The following F13A1 variants were observed in gnomAD, a reference collection of about 807,000 sequenced individuals.
F13A1 encodes FSF, A subunit.
F13A1 carries 47 observed loss-of-function variants against 80.1 expected under a neutral mutation model. The observed-to-expected ratio is 0.59, with a 90% CI of 0.46 to 0.75. The LOEUF (loss-of-function observed/expected upper bound fraction) is 0.75, where lower values mean the gene tolerates loss of function less well. Among genes scored for constraint, F13A1 ranks in the 30% least tolerant of loss-of-function variants. The pLI is 0.00. For missense variants in F13A1, 817 were observed against 930.4 expected (o/e 0.88, Z 1.59); for synonymous variants, 349 against 344.9 (o/e 1.01, Z -0.13).
chr6:6,192,887 G>A (rs1462911625), intron 10 of F13A1, among the ~76,000 whole-genome samples: 1 of 152,184 alleles, frequency 6.6e-6, no homozygotes, highest in African/African-American at 2.4e-5. Context: ...AGTTAGGACA[G>A]AAGAGAGTTA....
At chr6:6,256,628 G>A (rs1321209945) in intron 4 of F13A1, among the ~76,000 whole-genome samples, 2 of 152,054 alleles carry the variant, frequency 1.3e-5, no homozygotes, top group Non-Finnish European at 1.5e-5. Context: ...GAAAAGAGTG[G>A]GCCAAGAAAA....
intron 6 of F13A1, among the ~76,000 whole-genome samples, chr6:6,245,843 C>A (rs1757547924): frequency 6.6e-6 from 1 of 152,234 alleles, no homozygotes; most frequent in African/African-American, 2.4e-5. Flanking sequence ...TGTGCTATTT[C>A]TTCTGGAGAG....
intron 10 of F13A1, 61 bp from the exon 11 acceptor site, chr6:6,182,202 A>T: frequency 6.3e-7 from 1 of 1,585,806 alleles, no homozygotes; most frequent in Admixed American, 1.7e-5. Flanking sequence ...CAAAGTCTTT[A>T]ACTGTCCATA....
At chr6:6,307,783 T>A (rs1214364039) in intron 2 of F13A1, among the ~76,000 whole-genome samples, 2 of 152,078 alleles carry the variant, frequency 1.3e-5, no homozygotes, top group African/African-American at 4.8e-5. Context: ...AGGGAACTCA[T>A]TTTTTCATAG....
intron 6 of F13A1, among the ~76,000 whole-genome samples, chr6:6,233,668 T>C (rs1473963478): frequency 6.6e-6 from 1 of 151,986 alleles, no homozygotes; most frequent in East Asian, 1.9e-4. Context: ...CAGACCAATA[T>C]CCTTGATGAA....
At chr6:6,159,726 G>A (rs960841701) in intron 13 of F13A1, among the ~76,000 whole-genome samples, 1 of 152,176 alleles carries the variant, frequency 6.6e-6, no homozygotes, top group African/African-American at 2.4e-5. Context: ...TGGATCTTGT[G>A]TTATCTATAC....
rs374469573 is a variant in F13A1 at position 6,243,148 on chromosome 6, C to T, written c.798+5164G>A. Among the ~76,000 whole-genome samples the T allele has an allele frequency of 6.6e-5, 10 of 151,244 alleles. 1 individual carries two copies. In the East Asian group the frequency reaches 1.4e-3, roughly 21 times the overall value. On this transcript the variant is annotated intron_variant, in intron 6 of 14. Coordinates refer to ENST00000264870, the MANE Select transcript of F13A1 (RefSeq NM_000129.4). The surrounding 1 kb of genome is among the most constrained non-coding windows in gnomAD (Gnocchi z 4.2). ...TATCACCACCATCATAAATCACCACCACCACCACATTACGCCATCACCACC... is the reference window on the plus strand; with the variant it reads ...TATCACCACCATCATAAATCACCACTACCACCACATTACGCCATCACCACC...
intron 3 of F13A1, among the ~76,000 whole-genome samples, chr6:6,272,282 TAGAA>T (rs1415386170): frequency 1.3e-5 from 2 of 152,228 alleles, no homozygotes; most frequent in Admixed American, 1.3e-4. Context: ...CCAGGTAGTC[TAGAA>T]AGGACATCAA....
At position 6,258,164 on chromosome 6, in the gene F13A1, A is replaced by ACCTT. The variant is rs547397222; in HGVS notation, c.572-7239_572-7236dup. 4.6e-4 allele frequency among the ~76,000 whole-genome samples: 70 copies of ACCTT among 152,156 alleles called. 3 individuals carry two copies. The South Asian group carries it at 0.014, about 30-fold the overall frequency. Reference sequence around the variant, plus strand: ...TTTTGTTTTAAAAATATAAGTGCTTACCTTGACAGAGTCAGGATGCTCCAG... The same window carrying ACCTT: ...TTTTGTTTTAAAAATATAAGTGCTTACCTTCCTTGACAGAGTCAGGATGCTCCAG... On this transcript the variant is annotated intron_variant, in intron 4 of 14. Coordinates refer to ENST00000264870, the MANE Select transcript of F13A1 (RefSeq NM_000129.4).
At chr6:6,296,845 C>G (rs1222981034) in intron 3 of F13A1, among the ~76,000 whole-genome samples, 1 of 148,494 alleles carries the variant, frequency 6.7e-6, no homozygotes, top group Non-Finnish European at 1.5e-5. Flanking sequence ...GGGAATGCTT[C>G]CAGTTTTGGC....
At chr6:6,167,324 T>G in intron 13 of F13A1, 134 bp downstream of exon 13, 1 of 855,576 alleles carries the variant, frequency 1.2e-6, no homozygotes, top group Non-Finnish European at 1.8e-6. Flanking sequence ...CTAGCACTGG[T>G]ATTTTTTTTT....
intron 10 of F13A1, among the ~76,000 whole-genome samples, chr6:6,183,636 T>A (rs891479849): frequency 3.9e-5 from 6 of 152,214 alleles, no homozygotes; most frequent in African/African-American, 1.4e-4. Context: ...TACAGTGCGA[T>A]AAGTACCATG....
chr6:6,193,956 G>T (rs529181671), intron 10 of F13A1, among the ~76,000 whole-genome samples: 1 of 152,214 alleles, frequency 6.6e-6, no homozygotes, highest in Non-Finnish European at 1.5e-5. Flanking sequence ...CGGCAGGTAC[G>T]ATGAGATGAA....
intron 3 of F13A1, among the ~76,000 whole-genome samples, chr6:6,285,245 A>C (rs1177443722): frequency 6.6e-6 from 1 of 152,082 alleles, no homozygotes; most frequent in Non-Finnish European, 1.5e-5. Context: ...CGAGACTCCA[A>C]CTCAAAAAGA....
At chr6:6,236,557 T>C (rs1174280459) in intron 6 of F13A1, among the ~76,000 whole-genome samples, 1 of 152,134 alleles carries the variant, frequency 6.6e-6, no homozygotes, top group Non-Finnish European at 1.5e-5. Flanking sequence ...GACCTTTACA[T>C]TTTGTATAGT....
In F13A1 at chr6:6,242,053, GA is replaced by G. The variant is rs1329780554; in HGVS notation, c.798+6258del. On this transcript the variant is annotated intron_variant, in intron 6 of 14. Transcript: ENST00000264870. ...TTACTGTCTTTTTCATGCATGGAAA[GA>G]AAAAAATCTTTCTAAATACTGGGAC... 8.6e-5 allele frequency among the ~76,000 whole-genome samples: 13 copies of G among 151,972 alleles called. No homozygotes were observed. The South Asian group carries it at 2.3e-3, about 27-fold the overall frequency.
intron 14 of F13A1, among the ~76,000 whole-genome samples, chr6:6,147,578 C>T (rs559440673): frequency 6.6e-6 from 1 of 152,174 alleles, no homozygotes; most frequent in Non-Finnish European, 1.5e-5. Flanking sequence ...TCCATTCATT[C>T]TCTCTCCTCT....
At chr6:6,175,714 G>GT (rs1183746797) in intron 11 of F13A1, among the ~76,000 whole-genome samples, 1 of 152,210 alleles carries the variant, frequency 6.6e-6, no homozygotes, top group Non-Finnish European at 1.5e-5. Context: ...ACGGAGGGCA[G>GT]TTTTTTGAGG....
intron 10 of F13A1, among the ~76,000 whole-genome samples, chr6:6,193,890 G>A (rs951879975): frequency 1.3e-5 from 2 of 152,146 alleles, no homozygotes; most frequent in African/African-American, 2.4e-5. Flanking sequence ...TGAAAACGAG[G>A]GGATAAAATT....
Sources: allele counts gnomAD v4.1 joint callset (sites outside exome capture counted in the v4.1 genomes callset), GRCh38; gene constraint gnomAD v4.1.1; non-coding constraint Gnocchi (gnomAD v3.1); transcripts MANE v1.5; gene names NCBI Gene and HGNC (gene_info 2026-07-23, HGNC 2026-07-21).